Variants in MTNAP1 observed in about 807,000 individuals in gnomAD.
MTNAP1 encodes mitochondrial nucleoid-associated protein 1.
chr17:73,242,259 G>A, the MTNAP1 span: 49 of 1,587,340 alleles, frequency 3.1e-5, no homozygotes, highest in Middle Eastern at 1.7e-4. Flanking sequence ...TTGTTGGAAC[G>A]AAGCTCAACT....
the MTNAP1 span, among the ~76,000 whole-genome samples, chr17:73,240,475 C>A: frequency 1.3e-5 from 2 of 152,278 alleles, no homozygotes; most frequent in South Asian, 4.1e-4. Flanking sequence ...ACTTCAAGGC[C>A]ATATCAATCT....
the MTNAP1 span, chr17:73,235,990 G>A: frequency 6.2e-7 from 1 of 1,614,174 alleles, no homozygotes; most frequent in Non-Finnish European, 8.5e-7. Flanking sequence ...TTCAGAAGCT[G>A]GAGCGTCTTT....
chr17:73,235,731 G>A, the MTNAP1 span: 3 of 1,614,080 alleles, frequency 1.9e-6, no homozygotes, highest in South Asian at 2.2e-5. Context: ...AGTTGGTGGT[G>A]GACAAACCAG....
chr17:73,238,389 G>A, the MTNAP1 span, among the ~76,000 whole-genome samples: 1 of 152,028 alleles, frequency 6.6e-6, no homozygotes, highest in African/African-American at 2.4e-5. Context: ...GAGAAAAACT[G>A]GTATTATCTC....
chr17:73,235,113 T>C, the MTNAP1 span, among the ~76,000 whole-genome samples: 1 of 112,694 alleles, frequency 8.9e-6, no homozygotes, highest in Non-Finnish European at 2.0e-5. Context: ...TCCCAACTAC[T>C]TGGGAGGCTG....
the MTNAP1 span, chr17:73,235,695 G>A: frequency 6.2e-7 from 1 of 1,614,112 alleles, no homozygotes; most frequent in South Asian, 1.1e-5. Context: ...AAGAGTTAGA[G>A]ACAGAGAATG....
chr17:73,236,459 C>G, the MTNAP1 span: 3 of 1,614,190 alleles, frequency 1.9e-6, no homozygotes, highest in South Asian at 2.2e-5. Context: ...CAGGAACGGA[C>G]TGTCATGAGC....
At chr17:73,235,784 A>G in the MTNAP1 span, 1 of 1,614,216 alleles carries the variant, frequency 6.2e-7, no homozygotes, top group African/African-American at 1.3e-5. Flanking sequence ...GTTGGTTTGG[A>G]AAGAGCAGCT....
the MTNAP1 span, chr17:73,242,867 A>T: frequency 6.3e-7 from 1 of 1,585,808 alleles, no homozygotes; most frequent in Non-Finnish European, 8.6e-7. Context: ...CAGTTGCTGT[A>T]ACAACAAGCC....
the MTNAP1 span, chr17:73,248,625 C>T: frequency 1.5e-6 from 2 of 1,308,520 alleles, no homozygotes; most frequent in Non-Finnish European, 2.2e-6. Context: ...GGCATGGTGA[C>T]ACCCAGGCTA....
the MTNAP1 span, among the ~76,000 whole-genome samples, chr17:73,243,726 G>T: frequency 6.6e-6 from 1 of 152,022 alleles, no homozygotes; most frequent in South Asian, 2.1e-4. Context: ...TAGAGACAGG[G>T]TTTTCACCAT....
chr17:73,234,648 A>C, the MTNAP1 span, among the ~76,000 whole-genome samples: 1 of 142,872 alleles, frequency 7.0e-6, no homozygotes, highest in Non-Finnish European at 1.5e-5. Context: ...CCGACACTGC[A>C]CTCCGGCCTG....
the MTNAP1 span, chr17:73,233,091 G>C: frequency 6.6e-6 from 1 of 152,276 alleles, no homozygotes; most frequent in Non-Finnish European, 1.5e-5. Flanking sequence ...GGTCCTCCTT[G>C]AGCCCGGAGG....
chr17:73,246,897 T>C, the MTNAP1 span, among the ~76,000 whole-genome samples: 3 of 152,200 alleles, frequency 2.0e-5, no homozygotes, highest in Non-Finnish European at 4.4e-5. Context: ...GAATGCTCTT[T>C]AGGAGAGATG....
At chr17:73,237,165 C>CTGTG in the MTNAP1 span, among the ~76,000 whole-genome samples, 1 of 152,200 alleles carries the variant, frequency 6.6e-6, no homozygotes, top group African/African-American at 2.4e-5. Context: ...GGTGTAGTGG[C>CTGTG]TCACACCTGT....
the MTNAP1 span, among the ~76,000 whole-genome samples, chr17:73,243,548 CTT>C: frequency 1.6e-4 from 21 of 135,044 alleles, no homozygotes; most frequent in Admixed American, 3.0e-4. Context: ...TTCATGTTGT[CTT>C]TTTTTTTTTT....
the MTNAP1 span, among the ~76,000 whole-genome samples, chr17:73,239,662 G>A: frequency 2.7e-3 from 407 of 151,962 alleles, no homozygotes; most frequent in Non-Finnish European, 4.9e-3. Context: ...GGGATTACAG[G>A]TGCCTGCCAC....
At chr17:73,248,489 A>G in the MTNAP1 span, 1 of 1,551,666 alleles carries the variant, frequency 6.4e-7, no homozygotes, top group Non-Finnish European at 8.7e-7. Context: ...GGTAAGAAGC[A>G]ACGCTTAGAT....
the MTNAP1 span, among the ~76,000 whole-genome samples, chr17:73,234,377 G>T: frequency 6.6e-6 from 1 of 150,382 alleles, no homozygotes; most frequent in African/African-American, 2.5e-5. Context: ...AAACTAATTT[G>T]CCAGTAATCT....
Sources: allele counts gnomAD v4.1 joint callset (sites outside exome capture counted in the v4.1 genomes callset), GRCh38; gene constraint gnomAD v4.1.1; transcripts MANE v1.5; gene names NCBI Gene and HGNC (gene_info 2026-07-23, HGNC 2026-07-21).